GSG1: variants seen among roughly 807,000 people sequenced by gnomAD.
GSG1 encodes the protein germ cell-specific gene 1 protein.
GSG1 carries 28 observed loss-of-function variants against 30.8 expected under a neutral mutation model. The observed-to-expected ratio is 0.91, with a 90% CI of 0.67 to 1.25. GSG1 has a LOEUF of 1.25. Ranked by LOEUF, GSG1 falls within the 50% of genes most tolerant of loss-of-function variation. The probability of loss-of-function intolerance (pLI) is 0.00; values close to 1 mark genes in which losing one functional copy is unlikely to be tolerated. For synonymous variants in GSG1, 162 were observed against 178.0 expected (o/e 0.91, Z 0.71); for missense variants, 435 against 444.7 (o/e 0.98, Z 0.20).
intron 1 of GSG1, among the ~76,000 whole-genome samples, chr12:13,097,288 A>G (rs1866738127): frequency 6.6e-6 from 1 of 151,186 alleles, no homozygotes; most frequent in South Asian, 2.1e-4. Context: ...AAAGTCATCC[A>G]CTCTTTGAAA....
intron 1 of GSG1, chr12:13,095,541 C>T (rs1866592349): frequency 1.3e-6 from 2 of 1,522,542 alleles, no homozygotes; most frequent in South Asian, 2.2e-5. Context: ...TTAAAAGAGC[C>T]AGGTACAAAA....
At chr12:13,096,460 T>C (rs10772619) in intron 1 of GSG1, among the ~76,000 whole-genome samples, 134,278 of 142,088 alleles carry the variant, frequency 0.95, 63,879 homozygotes, top group East Asian at 1. Flanking sequence ...GGTGACAGAG[T>C]GAGACTCTGT....
intron 1 of GSG1, among the ~76,000 whole-genome samples, chr12:13,096,524 A>G (rs553097990): frequency 6.6e-6 from 1 of 151,852 alleles, no homozygotes; most frequent in South Asian, 2.1e-4. Context: ...CTCCCTCTAC[A>G]CATGGAATGC....
chr12:13,083,643 C>T lies in GSG1; in HGVS notation c.*1258G>A, dbSNP rs1247888968. The T allele has an allele frequency of 5.3e-5, 8 of 150,140 alleles. No homozygotes were observed. The highest frequency in any genetic ancestry group is 9.8e-5 in the African/African-American group (4 of 40,794). 9.3% of individuals were successfully genotyped at this position (150,140 alleles called of 1,614,324 possible). ...TGTTGGTGTGCTGCACCCATTAACT[C>T]GTCATTTACGTTAGTATATCTCCTA... On this transcript the variant is annotated 3_prime_UTR_variant, in exon 7 of 7. Coordinates refer to ENST00000651961, the MANE Select transcript of GSG1 (RefSeq NM_001080555.4).
intron 1 of GSG1, among the ~76,000 whole-genome samples, chr12:13,099,763 T>TTTTG (rs1863053182): frequency 4.7e-5 from 7 of 148,672 alleles, no homozygotes; most frequent in South Asian, 2.2e-4. Context: ...TTTTTTTTTT[T>TTTTG]TTTTTGTTTT....
rs1866320567 is a variant in GSG1, at chr12:13,093,121, G to A, written c.49-2303C>T. On this transcript the variant is annotated intron_variant, in intron 1 of 6. Transcript: ENST00000651961. This position sits in a 1 kb window ranked among gnomAD's most constrained non-coding sequence, Gnocchi z 4.6. Reference sequence around the variant, plus strand: ...CGGTTATATAAGCTTTTAACTTTATGTAAAATAACATTAATACATATAAAT... The same window carrying A: ...CGGTTATATAAGCTTTTAACTTTATATAAAATAACATTAATACATATAAAT... Among the ~76,000 whole-genome samples, 2 of 151,254 alleles carry A rather than the reference G, an allele frequency of 1.3e-5. No individual in the cohort carries two copies. Among genetic ancestry groups the A allele is most frequent in the Admixed American group, 1.3e-4 (2 of 15,218 alleles).
At position 13,098,456 on chromosome 12, in the gene GSG1, ATTTTTTTTTTT is replaced by A. The variant is rs771887535; in HGVS notation, c.48+4998_48+5008del. 4.0e-4 allele frequency among the ~76,000 whole-genome samples: 19 copies of A among 47,402 alleles called. 2 individuals are homozygous for A. The highest frequency in any genetic ancestry group is 1.6e-3 in the South Asian group (2 of 1,224). The allele number at this position is 47,402 out of a possible 152,430, so 31.1% of individuals were successfully genotyped here. A position where few individuals can be genotyped will look rare whatever the true frequency, so the allele number is the denominator to read the frequency against. On this transcript the variant is annotated intron_variant, in intron 1 of 6. Coordinates refer to ENST00000651961, the MANE Select transcript of GSG1 (RefSeq NM_001080555.4). ...CTTGTAGGATTGTTTCATGTAGCCC[ATTTTTTTTTTT>A]TTTTTTTTTTTTTTTTTTTTTTTTT...
rs148537880 is a variant in GSG1, at chr12:13,088,844, C to T, written c.481+18G>A. On this transcript the variant is annotated intron_variant, in intron 4 of 6. Transcript: ENST00000651961. ...CATGGGCCTTGCAACGTGGCAAATT[C>T]CAGTAGTCCTTTCTCACCTCTCTTG... 564 of 1,614,056 alleles carry T rather than the reference C, an allele frequency of 3.5e-4. No individual in the cohort carries two copies. Among genetic ancestry groups the T allele is most frequent in the Non-Finnish European group, 4.4e-4 (520 of 1,180,024 alleles).
rs1565535320 is a variant in GSG1 at position 13,090,678 on chromosome 12, G to A, written c.189C>T (p.Cys63=). Residue 63 remains cysteine (C), a synonymous_variant, in exon 2 of 7, where the codon TGC becomes TGT. Transcript: ENST00000651961. ...AGCACTTGGCTGCCAGACCTTTCTC[G>A]CACAGGGGCTTGGGCACCTTCTGTG... ...VGTQKVPKPL[C]EKGLAAKCFD... is the part of the protein sequence containing the mutation. The A allele has an allele frequency of 5.0e-6, 8 of 1,614,076 alleles. No individual in the cohort carries two copies. Among genetic ancestry groups the A allele is most frequent in the South Asian group, 3.3e-5 (3 of 91,096 alleles).
intron 2 of GSG1, 140 bp from the exon 3 acceptor site, chr12:13,089,416 C>T: frequency 1.4e-6 from 2 of 1,410,208 alleles, no homozygotes; most frequent in Non-Finnish European, 1.9e-6. Context: ...ACTTTAGTAC[C>T]AGGTGCTTTC....
chr12:13,099,334 A>G (rs2120949922), intron 1 of GSG1, among the ~76,000 whole-genome samples: 1 of 152,362 alleles, frequency 6.6e-6, no homozygotes, highest in South Asian at 2.1e-4. Flanking sequence ...TTCGGCTCAG[A>G]AGCTCATGAC....
At chr12:13,089,359 G>A in intron 2 of GSG1, 83 bp from the exon 3 acceptor site, 1 of 1,542,744 alleles carries the variant, frequency 6.5e-7, no homozygotes, top group Non-Finnish European at 8.7e-7. Context: ...CTGAAATAGG[G>A]AGAAGTAGCA....
In GSG1 at chr12:13,090,797, A is replaced by G. The variant is rs772593449; in HGVS notation, c.70T>C (p.Ser24Pro). 6.2e-7 allele frequency: 1 copy of G among 1,612,868 alleles called. No individual in the cohort carries two copies. The highest frequency in any genetic ancestry group is 8.5e-7 in the Non-Finnish European group (1 of 1,179,128). The part of the protein sequence containing the change: ...TQEMELSKAF[S>P]GQRTLLSAIL... The stretch of plus-strand genomic sequence containing the variant: ...GCAGATAGGAGTGTCCGCTGGCCAG[A>G]GAAGGCCTTCGAGAGCTCCATCTGT... The change falls in exon 2 of 7, where the codon TCT becomes CCT. Residue 24 changes from serine to proline, a missense_variant. Ser to Pro is a moderately conservative substitution (Grantham distance 74). Transcript: ENST00000651961.
chr12:13,093,138 CATATAA>C lies in GSG1; in HGVS notation c.49-2326_49-2321del, dbSNP rs1866322755. ...AACTTTATGTAAAATAACATTAATA[CATATAA>C]ATATATAATTATATAATTAATAATT... On this transcript the variant is annotated intron_variant, in intron 1 of 6. Coordinates refer to ENST00000651961, the MANE Select transcript of GSG1 (RefSeq NM_001080555.4). The surrounding 1 kb of genome is among the most constrained non-coding windows in gnomAD (Gnocchi z 4.6). Among the ~76,000 whole-genome samples the C allele has an allele frequency of 4.6e-5, 7 of 151,228 alleles. 1 individual carries two copies. The South Asian group carries it at 1.5e-3, about 31-fold the overall frequency.
intron 1 of GSG1, among the ~76,000 whole-genome samples, chr12:13,091,978 A>C (rs1189269268): frequency 6.6e-6 from 1 of 152,220 alleles, no homozygotes; most frequent in African/African-American, 2.4e-5. Context: ...GGGATGATGC[A>C]TCTTTAAGTT....
chr12:13,095,645 A>G, intron 1 of GSG1: 2 of 1,614,194 alleles, frequency 1.2e-6, no homozygotes, highest in South Asian at 1.1e-5. Context: ...GAACCGAAGG[A>G]TGCCATCTGC....
In GSG1 at chr12:13,084,824, G is replaced by A. The variant is rs112790824; in HGVS notation, c.*77C>T. 2 of 938,730 alleles carry A rather than the reference G, an allele frequency of 2.1e-6. No individual in the cohort carries two copies. Among genetic ancestry groups the A allele is most frequent in the South Asian group, 3.4e-5 (2 of 58,818 alleles). The allele number at this position is 938,730 out of a possible 1,614,324, so 58.2% of individuals were successfully genotyped here. On this transcript the variant is annotated 3_prime_UTR_variant, in exon 7 of 7. Transcript: ENST00000651961. ...TAAAAACCATGCTCAAGAGACGGAT[G>A]TTGGCTTAAGCACATGTTGATAATC... is the stretch of plus-strand genomic sequence containing the variant.
rs527669153 is a variant in GSG1, at chr12:13,097,819, C to T, written c.48+5646G>A. 2.6e-5 allele frequency among the ~76,000 whole-genome samples: 4 copies of T among 152,302 alleles called. No individual in the cohort carries two copies. In the South Asian group the frequency reaches 6.2e-4, roughly 24 times the overall value. On this transcript the variant is annotated intron_variant, in intron 1 of 6. Transcript: ENST00000651961. ...TAATAAAACCCTCTGTATCCGCCCC[C>T]GGCCGTTCCTCCCCCTCTTCCAGAC...
In GSG1 at chr12:13,087,907, C is replaced by G. The variant is rs569643105; in HGVS notation, c.634G>C (p.Gly212Arg). The change falls in exon 5 of 7, where the codon GGT becomes CGT. Residue 212 changes from glycine to arginine, a missense_variant and splice_region_variant. Coordinates refer to ENST00000651961, the MANE Select transcript of GSG1 (RefSeq NM_001080555.4). ...AFAAVSSVLS[G>R]LLGMVAHMMY... Reference sequence around the variant, plus strand: ...CTCTCTCACTCCAGGAGCAACTCACCTGACAGGACAGAGGAAACAGCAGCA... The same window carrying G: ...CTCTCTCACTCCAGGAGCAACTCACGTGACAGGACAGAGGAAACAGCAGCA... 6.2e-7 allele frequency: 1 copy of G among 1,613,680 alleles called. No individual in the cohort carries two copies. Among genetic ancestry groups the G allele is most frequent in the East Asian group, 2.2e-5 (1 of 44,882 alleles).
Sources: gnomAD v4.1 joint callset for allele counts (sites outside exome capture counted in the v4.1 genomes callset) on GRCh38, gnomAD v4.1.1 for gene constraint, Gnocchi (gnomAD v3.1) non-coding constraint, MANE v1.5 for transcripts, NCBI Gene and HGNC (gene_info 2026-07-23, HGNC 2026-07-21) for gene names.